COA1: variants seen among roughly 807,000 people sequenced by gnomAD.
The protein encoded by COA1 is cytochrome c oxidase assembly factor 1 homolog.
Under a neutral mutation model 16.0 loss-of-function variants are expected in COA1, and 13 were observed. That is an observed-to-expected ratio of 0.81 (90% CI 0.53 to 1.29). The LOEUF (loss-of-function observed/expected upper bound fraction) is 1.29. Ranked by LOEUF, COA1 falls within the 50% of genes most tolerant of loss-of-function variation. The pLI is 0.00. For synonymous variants in COA1, 65 were observed against 65.7 expected (o/e 0.99, Z 0.05); for missense variants, 179 against 177.0 (o/e 1.01, Z -0.06).
At chr7:43,652,852 C>T (rs1201138633) in intron 1 of COA1, among the ~76,000 whole-genome samples, 2 of 126,422 alleles carry the variant, frequency 1.6e-5, no homozygotes, top group Admixed American at 2.0e-4. Context: ...CTTTAAAAAT[C>T]GAACCGTTGT....
At chr7:43,641,373 T>C (rs1349593441) in intron 4 of COA1, 3 of 149,560 alleles carry the variant, frequency 2.0e-5, no homozygotes, top group East Asian at 1.9e-4. Context: ...CTTAATGATA[T>C]ATGTGCTTAT....
intron 1 of COA1, among the ~76,000 whole-genome samples, chr7:43,703,179 T>A (rs2094820310): frequency 6.6e-6 from 1 of 152,208 alleles, no homozygotes; most frequent in Non-Finnish European, 1.5e-5. Context: ...GTTCTATTTT[T>A]ATTGCACTGT....
chr7:43,727,488 G>T (rs572439070), intron 1 of COA1, among the ~76,000 whole-genome samples: 9 of 152,054 alleles, frequency 5.9e-5, no homozygotes, highest in Non-Finnish European at 1.0e-4. Context: ...CTAACTAATG[G>T]AAAATAAATC....
At chr7:43,677,088 G>C (rs998442692) in intron 1 of COA1, among the ~76,000 whole-genome samples, 10 of 152,052 alleles carry the variant, frequency 6.6e-5, no homozygotes, top group African/African-American at 2.4e-4. Flanking sequence ...CACTTTCTTG[G>C]CCTTAAGAAT....
At chr7:43,642,977 T>C (rs1259187069) in intron 4 of COA1, among the ~76,000 whole-genome samples, 1 of 152,174 alleles carries the variant, frequency 6.6e-6, no homozygotes, top group Non-Finnish European at 1.5e-5. Flanking sequence ...ATGTCAAAAA[T>C]AGTCCACAAA....
At chr7:43,630,163 A>G (rs763452798) in intron 6 of COA1, among the ~76,000 whole-genome samples, 1 of 152,166 alleles carries the variant, frequency 6.6e-6, no homozygotes, top group Non-Finnish European at 1.5e-5. Context: ...GGCCCTTTAC[A>G]GAAAAAGTTT....
At chr7:43,619,847 A>C (rs755796222) in intron 6 of COA1, 291 of 1,281,656 alleles carry the variant, frequency 2.3e-4, no homozygotes, top group Non-Finnish European at 3.0e-4. Context: ...ACCATCAGAG[A>C]TCTATTCCTT....
intron 1 of COA1, among the ~76,000 whole-genome samples, chr7:43,689,912 A>G (rs1244729780): frequency 6.6e-6 from 1 of 152,202 alleles, no homozygotes; most frequent in African/African-American, 2.4e-5. Context: ...TTATAAACCA[A>G]TAATGGAGAT....
At chr7:43,701,426 T>C (rs2131386689) in intron 1 of COA1, among the ~76,000 whole-genome samples, 1 of 152,342 alleles carries the variant, frequency 6.6e-6, no homozygotes, top group South Asian at 2.1e-4. Flanking sequence ...GCATTCATGT[T>C]GCTGTAAAGG....
intron 4 of COA1, chr7:43,641,953 G>A (rs1644575634): frequency 6.6e-6 from 1 of 152,350 alleles, no homozygotes. Context: ...TGTGTCCTCG[G>A]TGATGGCCAA....
At chr7:43,633,560 C>T (rs1393207551) in intron 6 of COA1, among the ~76,000 whole-genome samples, 1 of 150,274 alleles carries the variant, frequency 6.7e-6, no homozygotes, top group African/African-American at 2.5e-5. Flanking sequence ...GATCACAGCT[C>T]TCCATAATAG....
chr7:43,632,422 T>A (rs2085269953), intron 6 of COA1: 1 of 152,286 alleles, frequency 6.6e-6, no homozygotes, highest in African/African-American at 2.4e-5. Context: ...TCTTCCAAAT[T>A]CCAATTAATG....
At chr7:43,726,522 C>T (rs138276020) in intron 1 of COA1, among the ~76,000 whole-genome samples, 180 of 152,324 alleles carry the variant, frequency 1.2e-3, no homozygotes, top group African/African-American at 4.2e-3. Context: ...CAAAGAACTC[C>T]TAAAAATCAA....
chr7:43,633,822 T>G (rs149398581), intron 6 of COA1, among the ~76,000 whole-genome samples: 38 of 152,290 alleles, frequency 2.5e-4, no homozygotes, highest in African/African-American at 8.7e-4. Context: ...TTTCAAATAC[T>G]TTTTCAGCCC....
At chr7:43,691,785 G>A (rs2094380306) in intron 1 of COA1, among the ~76,000 whole-genome samples, 1 of 152,188 alleles carries the variant, frequency 6.6e-6, no homozygotes, top group African/African-American at 2.4e-5. Flanking sequence ...ACCTAGGAAG[G>A]CTATTCTGAA....
downstream of COA1, among the ~76,000 whole-genome samples, chr7:43,635,190 G>C (rs2085660971): frequency 1.3e-5 from 2 of 152,136 alleles, no homozygotes; most frequent in African/African-American, 4.8e-5. Flanking sequence ...CCAAGGACAT[G>C]TTCTGCAATC....
chr7:43,722,451 G>C (rs1240610830), intron 1 of COA1, among the ~76,000 whole-genome samples: 1 of 151,954 alleles, frequency 6.6e-6, no homozygotes, highest in African/African-American at 2.4e-5. Flanking sequence ...CCAGGCTAGA[G>C]TGCAATGGCA....
intron 1 of COA1, among the ~76,000 whole-genome samples, chr7:43,655,725 C>T (rs10267416): frequency 0.15 from 22,344 of 152,172 alleles, 2,189 homozygotes; most frequent in Non-Finnish European, 0.21. Flanking sequence ...AACCACACCA[C>T]CTGATAGTTG....
At chr7:43,616,626 G>A (rs1471736486) in intron 6 of COA1, among the ~76,000 whole-genome samples, 5 of 152,116 alleles carry the variant, frequency 3.3e-5, no homozygotes, top group African/African-American at 9.7e-5. Context: ...GGCCGGGCGC[G>A]GTGGCTCACG....
Sources: gnomAD v4.1 joint callset for allele counts (sites outside exome capture counted in the v4.1 genomes callset) on GRCh38, gnomAD v4.1.1 for gene constraint, MANE v1.5 for transcripts, NCBI Gene and HGNC (gene_info 2026-07-23, HGNC 2026-07-21) for gene names.